Variants in ZNF665 observed in about 807,000 individuals in gnomAD.
ZNF665 encodes zinc finger protein 665.
In ZNF665, 6 loss-of-function variants were observed where a neutral mutation model predicts 7.9. The observed-to-expected ratio is 0.76, with a 90% CI of 0.42 to 1.50. The LOEUF (loss-of-function observed/expected upper bound fraction) is 1.50, where lower values mean the gene tolerates loss of function less well. ZNF665 is among the 40% of genes most tolerant of loss of function. ZNF665 has a pLI of 0.01. For missense variants in ZNF665, 819 were observed against 806.7 expected (o/e 1.02, Z -0.18); for synonymous variants, 242 against 274.5 (o/e 0.88, Z 1.17).
chr19:53,173,600 C>A (rs1280832693), intron 3 of ZNF665, among the ~76,000 whole-genome samples: 2 of 151,968 alleles, frequency 1.3e-5, no homozygotes, highest in African/African-American at 4.8e-5. Context: ...GTCTCAAACT[C>A]CTGAGCTCGT....
Position 53,166,202 on chromosome 19 carries a change from G to A in ZNF665, c.288C>T (p.Tyr96=), listed in dbSNP as rs756799463. 31 of 1,613,870 alleles carry A rather than the reference G, an allele frequency of 1.9e-5. No individual in the cohort carries two copies. Among genetic ancestry groups the A allele is most frequent in the Middle Eastern group, 1.6e-4 (1 of 6,062 alleles). The stretch of plus-strand genomic sequence containing the variant: ...CATCTTTCCACTGACACTCAAAGTC[G>A]TATGTATTTTTCTGAACTTCCTGGA... ...LSFQEVQKNT[Y]DFECQWKDDE... The change falls in exon 4 of 4, where the codon TAC becomes TAT. Residue 96 remains tyrosine, a synonymous_variant. Transcript: ENST00000396424.
intron 1 of ZNF665, among the ~76,000 whole-genome samples, chr19:53,192,390 T>A (rs191970976): frequency 6.6e-6 from 1 of 152,194 alleles, no homozygotes; most frequent in East Asian, 1.9e-4. Context: ...TGGCTCCAAA[T>A]ACCCCCTCCT....
At chr19:53,183,519 CCCCCA>C (rs2090754036) in intron 1 of ZNF665, among the ~76,000 whole-genome samples, 1 of 152,046 alleles carries the variant, frequency 6.6e-6, no homozygotes, top group Non-Finnish European at 1.5e-5. Flanking sequence ...CAGCACAGCC[CCCCCA>C]CCTTCTGGCT....
chr19:53,173,126 G>A (rs1381127135), intron 3 of ZNF665, among the ~76,000 whole-genome samples: 1 of 152,158 alleles, frequency 6.6e-6, no homozygotes, highest in African/African-American at 2.4e-5. Flanking sequence ...ATAACGTCAT[G>A]TAGGTTTTCC....
chr19:53,177,080 T>C (rs988242062), intron 2 of ZNF665, among the ~76,000 whole-genome samples: 1 of 152,006 alleles, frequency 6.6e-6, no homozygotes, highest in Non-Finnish European at 1.5e-5. Flanking sequence ...GATCACACCA[T>C]TGCACTCCAG....
chr19:53,184,774 G>A (rs1599884789), intron 1 of ZNF665, among the ~76,000 whole-genome samples: 1 of 152,080 alleles, frequency 6.6e-6, no homozygotes, highest in East Asian at 1.9e-4. Context: ...ACCGGTAGTG[G>A]CCCCGAATGC....
chr19:53,184,281 T>C (rs1441726646), intron 1 of ZNF665, among the ~76,000 whole-genome samples: 3 of 152,126 alleles, frequency 2.0e-5, no homozygotes, highest in East Asian at 1.9e-4. Context: ...TAATAAATAA[T>C]TTTTAAAACA....
intron 3 of ZNF665, 102 bp downstream of exon 3, chr19:53,175,343 C>A: frequency 7.1e-7 from 1 of 1,413,282 alleles, no homozygotes; most frequent in East Asian, 2.4e-5. Context: ...AACAGGACAT[C>A]AATCCTCATC....
chr19:53,175,077 A>G (rs2090686888), intron 3 of ZNF665, among the ~76,000 whole-genome samples: 1 of 152,160 alleles, frequency 6.6e-6, no homozygotes, highest in African/African-American at 2.4e-5. Context: ...TTGGAAAAAC[A>G]TTTCAACAGT....
intron 3 of ZNF665, among the ~76,000 whole-genome samples, chr19:53,172,469 G>A (rs1253515267): frequency 2.6e-5 from 4 of 152,102 alleles, no homozygotes; most frequent in Non-Finnish European, 5.9e-5. Context: ...TGACAACTAC[G>A]TGATATTTTA....
intron 3 of ZNF665, among the ~76,000 whole-genome samples, chr19:53,173,449 G>A (rs113638616): frequency 0.028 from 3,752 of 132,586 alleles, 95 homozygotes; most frequent in African/African-American, 0.072. Flanking sequence ...ATCTCAGCTC[G>A]CTGCAACCTC....
chr19:53,190,820 G>C (rs2090811306), intron 1 of ZNF665, among the ~76,000 whole-genome samples: 1 of 152,190 alleles, frequency 6.6e-6, no homozygotes, highest in African/African-American at 2.4e-5. Context: ...TGTAATCCCA[G>C]CTACTTGGGA....
rs1430039862 is a variant in ZNF665 at position 53,165,141 on chromosome 19, G to A, written c.1349C>T (p.Ala450Val). The change falls in exon 4 of 4, where the codon GCA becomes GTA. Residue 450 changes from alanine to valine, a missense_variant. Coordinates refer to ENST00000396424, the MANE Select transcript of ZNF665 (RefSeq NM_024733.5). The part of the protein sequence containing the change: ...SVRSSLTTHQ[A>V]IHTGEKPYKC... ...GTAAGGCTTTTCTCCAGTATGAATTGCCTGATGGGTAGTTAGGCTTGATCG... is the reference window on the plus strand; with the variant it reads ...GTAAGGCTTTTCTCCAGTATGAATTACCTGATGGGTAGTTAGGCTTGATCG... The A allele has an allele frequency of 6.2e-7, 1 of 1,613,796 alleles. No individual in the cohort carries two copies. Among genetic ancestry groups the A allele is most frequent in the Non-Finnish European group, 8.5e-7 (1 of 1,179,970 alleles).
chr19:53,190,568 C>A (rs1306607122), intron 1 of ZNF665, among the ~76,000 whole-genome samples: 1 of 152,214 alleles, frequency 6.6e-6, no homozygotes, highest in Non-Finnish European at 1.5e-5. Flanking sequence ...TACCGTGATT[C>A]TCTTAACCCC....
Position 53,164,469 on chromosome 19 carries a change from C to T in ZNF665, c.2021G>A (p.Arg674Lys), listed in dbSNP as rs377630128. The T allele has an allele frequency of 1.3e-6, 2 of 1,594,154 alleles. No individual in the cohort carries two copies. The highest frequency in any genetic ancestry group is 1.7e-6 in the Non-Finnish European group (2 of 1,170,274). The stretch of plus-strand genomic sequence containing the variant: ...GTAAGGTTTCTATCCACTATGAATT[C>T]TTCGATGTTTTGCAAGGTTTGAATT... ...TQNSNLAKHR[R>K]IHSG Residue 674 changes from arginine to lysine, a missense_variant, in exon 4 of 4, where the codon AGA becomes AAA. Transcript: ENST00000396424.
chr19:53,171,175 G>A lies in ZNF665; in HGVS notation c.142+4270C>T, dbSNP rs547485975. Among the ~76,000 whole-genome samples, 22 of 151,812 alleles carry A rather than the reference G, an allele frequency of 1.4e-4. No homozygotes were observed. The South Asian group carries it at 2.9e-3, about 20-fold the overall frequency. ...AATTTTTTATATTTTTAGTAGAGAC[G>A]GGGTTTCACCATGTTGGCCAGGCTG... On this transcript the variant is annotated intron_variant, in intron 3 of 3. Coordinates refer to ENST00000396424, the MANE Select transcript of ZNF665 (RefSeq NM_024733.5).
Position 53,164,823 on chromosome 19 carries a change from T to C in ZNF665, c.1667A>G (p.Tyr556Cys), listed in dbSNP as rs1359323381. The C allele has an allele frequency of 1.9e-6, 3 of 1,614,200 alleles. No individual in the cohort carries two copies. The highest frequency in any genetic ancestry group is 1.1e-5 in the South Asian group (1 of 91,076). ...DCGKVFRHNS[Y>C]LAIHQRIHTG... ...GTGAATTCTCTGATGAATTGCAAGGTACGAATTGTGTCTGAAGACCTTGCC... is the reference window on the plus strand; with the variant it reads ...GTGAATTCTCTGATGAATTGCAAGGCACGAATTGTGTCTGAAGACCTTGCC... Residue 556 changes from tyrosine (Y) to cysteine (C), a missense_variant, in exon 4 of 4, where the codon TAC becomes TGC. Coordinates refer to ENST00000396424, the MANE Select transcript of ZNF665 (RefSeq NM_024733.5).
chr19:53,189,372 C>A (rs886224655), intron 1 of ZNF665, among the ~76,000 whole-genome samples: 3 of 151,128 alleles, frequency 2.0e-5, no homozygotes, highest in Non-Finnish European at 4.4e-5. Context: ...GAATGTCTGG[C>A]TGCGCTGTTA....
rs140482885 is a variant in ZNF665, at chr19:53,171,504, G to GTGTATATATA, written c.142+3940_142+3941insTATATATACA. On this transcript the variant is annotated intron_variant, in intron 3 of 3. Transcript: ENST00000396424. ...TCTTTACATTTGTGTGTGTGTGTGTGTATATATATATATATATATATTTTT... is the reference window on the plus strand; with the variant it reads ...TCTTTACATTTGTGTGTGTGTGTGTGTGTATATATATATATATATATATATATATATTTTT... Among the ~76,000 whole-genome samples, 526 of 57,710 alleles carry GTGTATATATA rather than the reference G, an allele frequency of 9.1e-3. 8 individuals carry two copies. The highest frequency in any genetic ancestry group is 0.012 in the Non-Finnish European group (363 of 30,170). The allele number at this position is 57,710 out of a possible 152,430, so 37.9% of individuals were successfully genotyped here.
Sources: allele counts gnomAD v4.1 joint callset (sites outside exome capture counted in the v4.1 genomes callset), GRCh38; gene constraint gnomAD v4.1.1; transcripts MANE v1.5; gene names NCBI Gene and HGNC (gene_info 2026-07-23, HGNC 2026-07-21).